Variants in OSBPL10 observed in about 807,000 individuals in gnomAD.
The protein encoded by OSBPL10 is oxysterol binding protein like 10.
Under a neutral mutation model 81.7 loss-of-function variants are expected in OSBPL10, and 49 were observed. The observed-to-expected ratio is 0.60, with a 90% CI of 0.48 to 0.76. The LOEUF is 0.76. OSBPL10 is among the 30% of genes least tolerant of loss of function. The pLI, the probability that OSBPL10 is intolerant of heterozygous loss-of-function variation, is 0.00. For missense variants in OSBPL10, 923 were observed against 987.8 expected (o/e 0.93, Z 0.88); for synonymous variants, 419 against 383.6 (o/e 1.09, Z -1.08).
intron 4 of OSBPL10, among the ~76,000 whole-genome samples, chr3:31,806,367 A>G (rs1433697676): frequency 2.0e-5 from 3 of 152,184 alleles, no homozygotes; most frequent in African/African-American, 2.4e-5. Flanking sequence ...GCACTCCCCA[A>G]AAAGAATCTC....
chr3:31,678,850 TAAG>T (rs1700562498), intron 8 of OSBPL10, among the ~76,000 whole-genome samples: 1 of 138,610 alleles, frequency 7.2e-6, no homozygotes, highest in Non-Finnish European at 1.6e-5. Flanking sequence ...AGAAGAGAAA[TAAG>T]AAACAACTTG....
intron 6 of OSBPL10, among the ~76,000 whole-genome samples, chr3:31,715,167 G>GA (rs1384190629): frequency 1.3e-5 from 2 of 152,052 alleles, no homozygotes; most frequent in African/African-American, 4.8e-5. Context: ...ATCTAATCCA[G>GA]AAGCTGTTAG....
intron 8 of OSBPL10, among the ~76,000 whole-genome samples, chr3:31,675,641 T>C (rs1700448866): frequency 6.6e-6 from 1 of 152,150 alleles, no homozygotes; most frequent in Non-Finnish European, 1.5e-5. Context: ...TATCACCAAC[T>C]GGCAATAAAG....
chr3:31,809,005 C>G (rs1699595423), intron 4 of OSBPL10, among the ~76,000 whole-genome samples: 1 of 152,194 alleles, frequency 6.6e-6, no homozygotes, highest in Non-Finnish European at 1.5e-5. Flanking sequence ...CATATGTACT[C>G]CATGCTTAAG....
At chr3:31,881,429 G>T (rs1290972403) in intron 1 of OSBPL10, among the ~76,000 whole-genome samples, 1 of 152,170 alleles carries the variant, frequency 6.6e-6, no homozygotes, top group Non-Finnish European at 1.5e-5. Context: ...CATACCGTCT[G>T]TACTACCAAC....
At chr3:31,861,635 G>C (rs77304793) in intron 3 of OSBPL10, among the ~76,000 whole-genome samples, 3 of 152,008 alleles carry the variant, frequency 2.0e-5, no homozygotes, top group African/African-American at 7.3e-5. Context: ...TGGCCTCTTT[G>C]GTGACACTAA....
At chr3:32,042,148 T>A (rs1474329155) in intron 2 of OSBPL10, among the ~76,000 whole-genome samples, 1 of 152,186 alleles carries the variant, frequency 6.6e-6, no homozygotes, top group East Asian at 1.9e-4. Flanking sequence ...CCTCATACAA[T>A]AATAGCCAGT....
At chr3:31,901,604 G>A (rs140945000) in intron 1 of OSBPL10, among the ~76,000 whole-genome samples, 3 of 152,202 alleles carry the variant, frequency 2.0e-5, no homozygotes, top group South Asian at 4.1e-4. Flanking sequence ...TGCCTCCCTC[G>A]CATTTCTCAC....
intron 2 of OSBPL10, among the ~76,000 whole-genome samples, chr3:32,039,152 T>C (rs1018116769): frequency 6.6e-6 from 1 of 151,452 alleles, no homozygotes; most frequent in Non-Finnish European, 1.5e-5. Context: ...GGTGAAACCC[T>C]GTCTCTACCA....
At chr3:31,846,268 T>C (rs1316256905) in intron 3 of OSBPL10, among the ~76,000 whole-genome samples, 1 of 152,134 alleles carries the variant, frequency 6.6e-6, no homozygotes, top group Non-Finnish European at 1.5e-5. Context: ...CGCCTTGGCC[T>C]CCCCAAAGTG....
Position 31,907,974 on chromosome 3 carries a change from G to A in OSBPL10, c.282-28144C>T, listed in dbSNP as rs112542894. On this transcript the variant is annotated intron_variant, in intron 1 of 11. Transcript: ENST00000396556. ...TGGAGGCTGGGAAAAGGCTGCGGTGGAGGAGCAGTTCTAACTTCACTGGGT... is the reference window on the plus strand; with the variant it reads ...TGGAGGCTGGGAAAAGGCTGCGGTGAAGGAGCAGTTCTAACTTCACTGGGT... Among the ~76,000 whole-genome samples, 1,412 of 152,318 alleles carry A rather than the reference G, an allele frequency of 9.3e-3. 12 individuals carry two copies. Among genetic ancestry groups the A allele is most frequent in the Non-Finnish European group, 0.014 (983 of 68,036 alleles).
At chr3:32,040,895 C>A (rs148646926) in intron 2 of OSBPL10, among the ~76,000 whole-genome samples, 2,494 of 152,222 alleles carry the variant, frequency 0.016, 34 homozygotes, top group Non-Finnish European at 0.026. Flanking sequence ...ACTGAGATGA[C>A]CTTACATTGT....
intron 6 of OSBPL10, chr3:31,707,297 A>T (rs1050370113): frequency 8.5e-4 from 129 of 152,348 alleles, no homozygotes; most frequent in African/African-American, 3.0e-3. Flanking sequence ...GCCCAAGTAA[A>T]TAAGTATCCA....
intron 4 of OSBPL10, among the ~76,000 whole-genome samples, chr3:31,776,806 T>C (rs992819263): frequency 1.3e-5 from 2 of 152,142 alleles, no homozygotes; most frequent in African/African-American, 2.4e-5. Context: ...GAGGGCTGAC[T>C]GCTACACAGG....
At chr3:31,938,585 T>C (rs1265047558) in intron 1 of OSBPL10, among the ~76,000 whole-genome samples, 1 of 152,130 alleles carries the variant, frequency 6.6e-6, no homozygotes, top group Non-Finnish European at 1.5e-5. Context: ...CATGGCTCAC[T>C]GCAGCCTTGA....
intron 1 of OSBPL10, among the ~76,000 whole-genome samples, chr3:31,937,908 C>T (rs1461030168): frequency 6.6e-6 from 1 of 152,192 alleles, no homozygotes; most frequent in African/African-American, 2.4e-5. Context: ...CCAAGTCCAG[C>T]AGTCATTCCA....
At chr3:31,846,700 C>T (rs547765561) in intron 3 of OSBPL10, among the ~76,000 whole-genome samples, 96 of 152,164 alleles carry the variant, frequency 6.3e-4, no homozygotes, top group South Asian at 1.9e-3. Context: ...GTGCTAGTGG[C>T]CACATATAAA....
chr3:31,970,729 G>A (rs1237420608), intron 1 of OSBPL10, among the ~76,000 whole-genome samples: 1 of 152,240 alleles, frequency 6.6e-6, no homozygotes, highest in African/African-American at 2.4e-5. Context: ...CAGGGCCAGC[G>A]TTCCCCTTGT....
Position 31,708,128 on chromosome 3 carries a change from G to T in OSBPL10, c.1096-5620C>A, listed in dbSNP as rs1242443920. Among the ~76,000 whole-genome samples the T allele has an allele frequency of 2.6e-5, 4 of 152,138 alleles. No individual in the cohort carries two copies. In the South Asian group the frequency reaches 8.3e-4, roughly 32 times the overall value. On this transcript the variant is annotated intron_variant, in intron 6 of 11. Transcript: ENST00000396556. Reference sequence around the variant, plus strand: ...AAATTTTTTATTAAATTAGAGACAGGGTCTTGCTATGTTGCCAAAGTTGGT... The same window carrying T: ...AAATTTTTTATTAAATTAGAGACAGTGTCTTGCTATGTTGCCAAAGTTGGT...
Sources: gnomAD v4.1 joint callset for allele counts (sites outside exome capture counted in the v4.1 genomes callset) on GRCh38, gnomAD v4.1.1 for gene constraint, MANE v1.5 for transcripts, NCBI Gene and HGNC (gene_info 2026-07-23, HGNC 2026-07-21) for gene names.